ULK4: variants seen among roughly 807,000 people sequenced by gnomAD.
ULK4 encodes the protein inactive serine/threonine-protein kinase ULK4.
In ULK4, 133 loss-of-function variants were observed where a neutral mutation model predicts 160.6. The observed-to-expected ratio is 0.83, with a 90% CI of 0.72 to 0.96. The LOEUF is 0.96. Among genes scored for constraint, ULK4 ranks in the 40% least tolerant of loss-of-function variants. ULK4 has a pLI of 0.00. For synonymous variants in ULK4, 534 were observed against 539.8 expected, an observed-to-expected ratio of 0.99 and a Z score of 0.15; for missense variants, 1,580 against 1,499.5, an observed-to-expected ratio of 1.05 and a Z score of -0.89.
intron 35 of ULK4, among the ~76,000 whole-genome samples, chr3:41,357,146 G>C (rs2125768409): frequency 6.6e-6 from 1 of 152,278 alleles, no homozygotes; most frequent in Admixed American, 6.5e-5. Context: ...TGGACTATGT[G>C]AGGACATTTG....
chr3:41,667,749 T>C (rs2125769748), intron 29 of ULK4, among the ~76,000 whole-genome samples: 1 of 152,294 alleles, frequency 6.6e-6, no homozygotes, highest in African/African-American at 2.4e-5. Flanking sequence ...CTAACCAAGA[T>C]GTCTTTGCTA....
At position 41,363,587 on chromosome 3, in the gene ULK4, G is replaced by A. The variant is rs531075958; in HGVS notation, c.3678+34492C>T. On this transcript the variant is annotated intron_variant, in intron 35 of 36. Coordinates refer to ENST00000301831, the MANE Select transcript of ULK4 (RefSeq NM_017886.4). The stretch of plus-strand genomic sequence containing the variant: ...AACACTGAACCCCTCAGCAGAAGGT[G>A]TGTACCACTGACAGGAAGGGTGTGC... 6.6e-5 allele frequency among the ~76,000 whole-genome samples: 10 copies of A among 152,326 alleles called. No homozygotes were observed. In the South Asian group the frequency reaches 1.9e-3, roughly 28 times the overall value.
chr3:41,283,169 G>T (rs1422456782), intron 35 of ULK4, among the ~76,000 whole-genome samples: 1 of 152,230 alleles, frequency 6.6e-6, no homozygotes, highest in African/African-American at 2.4e-5. Flanking sequence ...AAAGGATGTG[G>T]AGAAATACGA....
At chr3:41,840,527 C>G (rs1027583916) in intron 17 of ULK4, among the ~76,000 whole-genome samples, 2 of 152,228 alleles carry the variant, frequency 1.3e-5, no homozygotes, top group African/African-American at 4.8e-5. Context: ...AGGCGCGCGC[C>G]GCCACACCTG....
chr3:41,647,570 G>T (rs1283534219), intron 30 of ULK4, among the ~76,000 whole-genome samples: 1 of 152,220 alleles, frequency 6.6e-6, no homozygotes, highest in East Asian at 1.9e-4. Context: ...TCTCAGAGGA[G>T]TACTGGGCCG....
chr3:41,936,789 G>A (rs1699789052), intron 3 of ULK4, among the ~76,000 whole-genome samples: 1 of 152,128 alleles, frequency 6.6e-6, no homozygotes, highest in Non-Finnish European at 1.5e-5. Context: ...GGAGGTGGTG[G>A]GGGAGTGGGG....
At chr3:41,309,423 A>C (rs1250020790) in intron 35 of ULK4, among the ~76,000 whole-genome samples, 1 of 152,136 alleles carries the variant, frequency 6.6e-6, no homozygotes, top group Non-Finnish European at 1.5e-5. Context: ...CTACAATCCC[A>C]GATTCCTAGG....
rs370268048 is a variant in ULK4 at position 41,558,872 on chromosome 3, A to G, written c.3226+7153T>C. Among the ~76,000 whole-genome samples the G allele has an allele frequency of 7.4e-4, 112 of 151,474 alleles. 2 individuals carry two copies. In the East Asian group the frequency reaches 0.014, roughly 19 times the overall value. Reference sequence around the variant, plus strand: ...CACTTGATAGCTTCTATTTTATTTTATTTATTTATTTATTTTATTACACTT... The same window carrying G: ...CACTTGATAGCTTCTATTTTATTTTGTTTATTTATTTATTTTATTACACTT... On this transcript the variant is annotated intron_variant, in intron 32 of 36. Coordinates refer to ENST00000301831, the MANE Select transcript of ULK4 (RefSeq NM_017886.4).
intron 35 of ULK4, among the ~76,000 whole-genome samples, chr3:41,397,446 G>A (rs2082086394): frequency 6.6e-6 from 1 of 152,108 alleles, no homozygotes; most frequent in Non-Finnish European, 1.5e-5. Context: ...GGGGCAAACA[G>A]CCACCAAAAG....
At position 41,866,463 on chromosome 3, in the gene ULK4, A is replaced by G. The variant is rs182744809; in HGVS notation, c.1656+17411T>C. On this transcript the variant is annotated intron_variant, in intron 17 of 36. Transcript: ENST00000301831. ...AGATTATCAGGCATTAGATTTTCAT[A>G]AAGTGTGCACAACCTACATCCCTCG... Among the ~76,000 whole-genome samples the G allele has an allele frequency of 3.2e-4, 49 of 152,348 alleles. No homozygotes were observed. The East Asian group carries it at 9.0e-3, about 28-fold the overall frequency.
chr3:41,570,076 G>A (rs1332034139), intron 31 of ULK4, among the ~76,000 whole-genome samples: 1 of 152,108 alleles, frequency 6.6e-6, no homozygotes, highest in Non-Finnish European at 1.5e-5. Flanking sequence ...CCTCTTGATT[G>A]GACACGTGGT....
intron 21 of ULK4, among the ~76,000 whole-genome samples, chr3:41,782,805 G>C (rs781276354): frequency 2.6e-5 from 4 of 152,142 alleles, no homozygotes; most frequent in Non-Finnish European, 5.9e-5. Context: ...AAAGGATTTA[G>C]CCATAAGAAT....
rs180729385 is a variant in ULK4 at position 41,889,366 on chromosome 3, T to C, written c.1578-5414A>G. On this transcript the variant is annotated intron_variant, in intron 16 of 36. Transcript: ENST00000301831. ...AGACAAAAAGAAAATGAACAAAACC[T>C]TTCAAATATGATTGTTGAAATTAAA... Among the ~76,000 whole-genome samples, 70 of 152,244 alleles carry C rather than the reference T, an allele frequency of 4.6e-4. 1 individual carries two copies. The highest frequency in any genetic ancestry group is 2.0e-3 in the Admixed American group (31 of 15,286).
chr3:41,725,011 G>A (rs923908840), intron 22 of ULK4, among the ~76,000 whole-genome samples: 1 of 152,094 alleles, frequency 6.6e-6, no homozygotes, highest in Non-Finnish European at 1.5e-5. Flanking sequence ...TCTGTTAAGA[G>A]ACCACTGTTG....
At chr3:41,450,015 A>C (rs1435432178) in intron 34 of ULK4, among the ~76,000 whole-genome samples, 1 of 151,450 alleles carries the variant, frequency 6.6e-6, no homozygotes, top group African/African-American at 2.4e-5. Context: ...TAGTCTAAAT[A>C]CTGGCACCTT....
chr3:41,566,066 A>G lies in ULK4; in HGVS notation c.3185T>C (p.Val1062Ala). 1 of 1,613,958 alleles carries G rather than the reference A, an allele frequency of 6.2e-7. No individual in the cohort carries two copies. The highest frequency in any genetic ancestry group is 8.5e-7 in the Non-Finnish European group (1 of 1,179,966). ...QSVIALLSNLVACKDSNMELL... is the reference protein window; with the variant it reads ...QSVIALLSNLAACKDSNMELL... The stretch of plus-strand genomic sequence containing the variant: ...TTCCATATTCGAATCTTTGCAGGCA[A>G]CTAGATTGCTGAGTAATGCAATCAC... The change falls in exon 32 of 37, where the codon GTT becomes GCT. Residue 1062 changes from valine (V) to alanine (A), a missense_variant. Val to Ala is a moderately conservative substitution (Grantham distance 64, BLOSUM62 0). Coordinates refer to ENST00000301831, the MANE Select transcript of ULK4 (RefSeq NM_017886.4).
rs1331104502 is a variant in ULK4 at position 41,800,247 on chromosome 3, AC to A, written c.1894del (p.Val632SerfsTer17). The A allele has an allele frequency of 5.0e-6, 8 of 1,613,150 alleles. No individual in the cohort carries two copies. The highest frequency in any genetic ancestry group is 6.8e-6 in the Non-Finnish European group (8 of 1,179,816). ...NHMAAKIIEN[V>X]CTTFSAQSQG... ...GGACTGAGCAGAAAAGGTGGTACAG[AC>A]ATTTTCAATAATTTTTGCTGCCATG... is the stretch of plus-strand genomic sequence containing the variant. On this transcript the variant is annotated frameshift_variant, in exon 20 of 37. Transcript: ENST00000301831. LOFTEE classifies it high-confidence loss of function.
chr3:41,374,006 C>T (rs914777124), intron 35 of ULK4, among the ~76,000 whole-genome samples: 6 of 152,292 alleles, frequency 3.9e-5, no homozygotes, highest in African/African-American at 1.4e-4. Flanking sequence ...ATACTATAAA[C>T]ACCTCTACGC....
At chr3:41,826,704 A>G (rs1011916269) in intron 18 of ULK4, among the ~76,000 whole-genome samples, 12 of 150,232 alleles carry the variant, frequency 8.0e-5, no homozygotes, top group Non-Finnish European at 1.6e-4. Context: ...CCACACAATA[A>G]TAATAGGAGA....
Sources: allele counts gnomAD v4.1 joint callset (sites outside exome capture counted in the v4.1 genomes callset), GRCh38; gene constraint gnomAD v4.1.1; transcripts MANE v1.5; gene names NCBI Gene and HGNC (gene_info 2026-07-23, HGNC 2026-07-21).